Variants in TIAM2 observed in about 807,000 individuals in gnomAD.
TIAM2 encodes rho guanine nucleotide exchange factor TIAM2.
A neutral mutation model predicts 152.9 loss-of-function variants in TIAM2; 80 were observed. The observed-to-expected ratio is 0.52, with a 90% CI of 0.44 to 0.63. The LOEUF (loss-of-function observed/expected upper bound fraction) is 0.63, where lower values mean the gene tolerates loss of function less well. TIAM2 is among the 30% of genes least tolerant of loss of function. TIAM2 has a pLI of 0.00. For synonymous variants in TIAM2, 804 were observed against 838.0 expected (o/e 0.96, Z 0.70); for missense variants, 1,965 against 2,120.1 (o/e 0.93, Z 1.44).
Position 155,253,988 on chromosome 6 carries a change from C to T in TIAM2, c.4241C>T (p.Ser1414Phe). The change falls in exon 25 of 27, where the codon TCC becomes TTC. Residue 1414 changes from serine to phenylalanine, a missense_variant. By Grantham distance (155) the Ser-to-Phe change is radical (BLOSUM62 -2). Around this residue, in one of 3 missense-constraint regions of TIAM2, gnomAD observed 935 missense variants for 980.0 expected, o/e 0.95. Coordinates refer to ENST00000682666, the MANE Select transcript of TIAM2 (RefSeq NM_012454.4). ...TTTTACATAGGGACAGAAAATAATT[C>T]CATATGGGAACTGATCCATACGAAG... ...LGNPAGTENN[S>F]IWELIHTKSE... The T allele has an allele frequency of 1.9e-6, 3 of 1,612,786 alleles. No homozygotes were observed. The highest frequency in any genetic ancestry group is 1.7e-6 in the Non-Finnish European group (2 of 1,179,580).
At chr6:155,061,345 A>G (rs1010238617) in intron 1 of TIAM2, among the ~76,000 whole-genome samples, 2 of 149,936 alleles carry the variant, frequency 1.3e-5, no homozygotes, top group Non-Finnish European at 2.9e-5. Flanking sequence ...ATCTCTAGAT[A>G]CACACATGTA....
In TIAM2 at chr6:155,033,443, T is replaced by C. The variant is rs138290146; in HGVS notation, c.-209+37951T>C. ...TTTTATTTTATGAAATTCCCTAATCTTGTAGTTGATATAGCACTTTGGCTC... is the reference window on the plus strand; with the variant it reads ...TTTTATTTTATGAAATTCCCTAATCCTGTAGTTGATATAGCACTTTGGCTC... On this transcript the variant is annotated intron_variant, in intron 1 of 26. Coordinates refer to ENST00000682666, the MANE Select transcript of TIAM2 (RefSeq NM_012454.4). Among the ~76,000 whole-genome samples, 570 of 152,312 alleles carry C rather than the reference T, an allele frequency of 3.7e-3. 1 individual carries two copies. The highest frequency in any genetic ancestry group is 0.013 in the African/African-American group (534 of 41,560).
intron 1 of TIAM2, among the ~76,000 whole-genome samples, chr6:155,010,677 C>G (rs895436903): frequency 6.6e-6 from 1 of 152,132 alleles, no homozygotes; most frequent in Non-Finnish European, 1.5e-5. Flanking sequence ...CTGGTACCTC[C>G]CAACCTCAGG....
In TIAM2 at chr6:155,182,490, T is replaced by A. The variant is rs897219133; in HGVS notation, c.2800+172T>A. ...AATGCGACCAAACACAGCGGCTCGC[T>A]CGCATAAACCCAGCTGCTCAGGAGG... On this transcript the variant is annotated intron_variant, in intron 13 of 26. Transcript: ENST00000682666. Among the ~76,000 whole-genome samples the A allele has an allele frequency of 1.2e-4, 18 of 152,112 alleles. 1 individual carries two copies. Among genetic ancestry groups the A allele is most frequent in the Non-Finnish European group, 2.2e-4 (15 of 68,028 alleles).
chr6:155,080,473 T>A (rs986198925), intron 1 of TIAM2, among the ~76,000 whole-genome samples: 1 of 151,442 alleles, frequency 6.6e-6, no homozygotes, highest in Non-Finnish European at 1.5e-5. Flanking sequence ...AGAGTCTTGC[T>A]CTGTCCCCCA....
intron 15 of TIAM2, among the ~76,000 whole-genome samples, chr6:155,224,167 G>A (rs1228814011): frequency 1.3e-5 from 2 of 152,236 alleles, no homozygotes; most frequent in African/African-American, 4.8e-5. Flanking sequence ...GAAAGAAGAT[G>A]TGTTTGAGTT....
intron 1 of TIAM2, among the ~76,000 whole-genome samples, chr6:155,063,781 C>CAAAAAAAAA (rs56808026): frequency 1.1e-5 from 1 of 91,100 alleles, no homozygotes; most frequent in Non-Finnish European, 2.0e-5. Flanking sequence ...GACTCTGTCT[C>CAAAAAAAAA]AAAAAAAAAA....
At chr6:155,043,731 G>A (rs1173030839) in intron 1 of TIAM2, among the ~76,000 whole-genome samples, 1 of 150,782 alleles carries the variant, frequency 6.6e-6, no homozygotes, top group Non-Finnish European at 1.5e-5. Flanking sequence ...CAGTGATTCT[G>A]CCATGCACCC....
At chr6:155,195,630 A>G (rs577592908) in intron 14 of TIAM2, among the ~76,000 whole-genome samples, 1 of 151,708 alleles carries the variant, frequency 6.6e-6, no homozygotes, top group South Asian at 2.1e-4. Flanking sequence ...TAATGTATTC[A>G]CAGATGATAA....
At chr6:155,246,786 C>A (rs1170082115) in intron 19 of TIAM2, among the ~76,000 whole-genome samples, 1 of 152,212 alleles carries the variant, frequency 6.6e-6, no homozygotes, top group Non-Finnish European at 1.5e-5. Flanking sequence ...GTCCTGTCAC[C>A]ACCTACTTGG....
chr6:155,256,616 C>T lies in TIAM2; in HGVS notation c.4601C>T (p.Thr1534Met), dbSNP rs780646763. Reference sequence around the variant, plus strand: ...GGCACCCAGAGCAGCGGCTGCCCCACGGCTGAGGGCAGGCAGGACTCCAAG... The same window carrying T: ...GGCACCCAGAGCAGCGGCTGCCCCATGGCTGAGGGCAGGCAGGACTCCAAG... ...SSGTQSSGCP[T>M]AEGRQDSKST... Residue 1534 changes from threonine (T) to methionine (M), a missense_variant, in exon 27 of 27, where the codon ACG (threonine) becomes ATG (methionine). Physicochemically the swap from Thr to Met is moderately conservative, Grantham distance 81 (BLOSUM62 -1). Transcript: ENST00000682666. The T allele has an allele frequency of 2.9e-5, 46 of 1,614,008 alleles. No individual in the cohort carries two copies. In the East Asian group the frequency reaches 7.4e-4, roughly 26 times the overall value.
chr6:155,119,202 T>C (rs540751389), intron 2 of TIAM2, among the ~76,000 whole-genome samples: 2 of 151,788 alleles, frequency 1.3e-5, no homozygotes, highest in South Asian at 4.2e-4. Context: ...GCCCGGCTAA[T>C]TTTTGTATTT....
chr6:155,107,573 T>G (rs1250011233), intron 2 of TIAM2, among the ~76,000 whole-genome samples: 1 of 152,214 alleles, frequency 6.6e-6, no homozygotes, highest in Non-Finnish European at 1.5e-5. Context: ...TGGCAGAGAT[T>G]GTATTTTGCA....
chr6:155,145,750 A>G (rs912885493), intron 6 of TIAM2, among the ~76,000 whole-genome samples: 2 of 152,154 alleles, frequency 1.3e-5, no homozygotes, highest in Non-Finnish European at 2.9e-5. Flanking sequence ...CTGCAGAGCA[A>G]CAGTGTTCTC....
At chr6:155,043,659 G>GAAAAAA (rs1178145153) in intron 1 of TIAM2, among the ~76,000 whole-genome samples, 2 of 139,832 alleles carry the variant, frequency 1.4e-5, no homozygotes, top group African/African-American at 2.8e-5. Flanking sequence ...AAAAAAAAAG[G>GAAAAAA]ATCTGTAAGG....
At chr6:155,178,166 A>T (rs914785775) in intron 10 of TIAM2, among the ~76,000 whole-genome samples, 2 of 82,522 alleles carry the variant, frequency 2.4e-5, no homozygotes, top group African/African-American at 1.4e-4. Flanking sequence ...GTCTCAAATT[A>T]AAAAAAAAAA....
chr6:155,100,364 G>A (rs184770697), intron 2 of TIAM2, among the ~76,000 whole-genome samples: 5 of 152,276 alleles, frequency 3.3e-5, no homozygotes, highest in Admixed American at 1.3e-4. Context: ...AAATGCTAAC[G>A]GAGAATGGTG....
rs1009845711 is a variant in TIAM2, at chr6:155,174,620, C to T, written c.2362-2196C>T. Reference sequence around the variant, plus strand: ...ATGACCTTAGGTGATCCACTGGCCTCGGCCTCCCAAAGTGCTGGAATTACA... The same window carrying T: ...ATGACCTTAGGTGATCCACTGGCCTTGGCCTCCCAAAGTGCTGGAATTACA... On this transcript the variant is annotated intron_variant, in intron 9 of 26. Coordinates refer to ENST00000682666, the MANE Select transcript of TIAM2 (RefSeq NM_012454.4). The surrounding 1 kb of genome is among the most constrained non-coding windows in gnomAD (Gnocchi z 4.2). Among the ~76,000 whole-genome samples the T allele has an allele frequency of 1.3e-5, 2 of 152,184 alleles. No homozygotes were observed. The highest frequency in any genetic ancestry group is 2.1e-4 in the South Asian group (1 of 4,834).
At chr6:155,055,710 C>G (rs1777429861) in intron 1 of TIAM2, among the ~76,000 whole-genome samples, 1 of 152,020 alleles carries the variant, frequency 6.6e-6, no homozygotes, top group Non-Finnish European at 1.5e-5. Context: ...GTCTGTAATC[C>G]CAGTGCTTTG....
Sources: gnomAD v4.1 joint callset for allele counts (sites outside exome capture counted in the v4.1 genomes callset) on GRCh38, gnomAD v4.1.1 for gene constraint, gnomAD v4.1.1 regional missense constraint, Gnocchi (gnomAD v3.1) non-coding constraint, MANE v1.5 for transcripts, NCBI Gene and HGNC (gene_info 2026-07-23, HGNC 2026-07-21) for gene names.